Variants in DDHD1 observed in about 807,000 individuals in gnomAD.
DDHD1 encodes the protein DDHD domain containing 1, also known as phospholipase DDHD1.
Under a neutral mutation model 96.4 loss-of-function variants are expected in DDHD1, and 49 were observed. The ratio of observed to expected loss-of-function variants is 0.51; its 90% CI spans 0.40 to 0.64. The LOEUF (loss-of-function observed/expected upper bound fraction) is 0.64, where lower values mean the gene tolerates loss of function less well. Ranked by LOEUF, DDHD1 falls within the 30% of genes least tolerant of loss-of-function variation. DDHD1 has a pLI of 0.00. For synonymous variants in DDHD1, 442 were observed against 446.5 expected (o/e 0.99, Z 0.13); for missense variants, 1,106 against 1,161.2 (o/e 0.95, Z 0.69).
At chr14:53,094,345 CA>C (rs1181068717) in intron 2 of DDHD1, among the ~76,000 whole-genome samples, 1 of 151,992 alleles carries the variant, frequency 6.6e-6, no homozygotes, top group Non-Finnish European at 1.5e-5. Context: ...AGCAGAAATC[CA>C]AAATTGAAAG....
chr14:53,075,481 A>G (rs1446331038), intron 4 of DDHD1, among the ~76,000 whole-genome samples: 10 of 152,180 alleles, frequency 6.6e-5, no homozygotes, highest in Admixed American at 6.6e-4. Flanking sequence ...GCTACCGAAG[A>G]AAAGTTTGAA....
intron 1 of DDHD1, among the ~76,000 whole-genome samples, chr14:53,150,265 C>T (rs1430646084): frequency 6.6e-6 from 1 of 152,196 alleles, no homozygotes; most frequent in African/African-American, 2.4e-5. Context: ...TCCTGTAAGA[C>T]TCTGTCTTAA....
intron 1 of DDHD1, among the ~76,000 whole-genome samples, chr14:53,133,046 C>T (rs997858451): frequency 1.3e-5 from 2 of 152,212 alleles, no homozygotes; most frequent in African/African-American, 2.4e-5. Context: ...TTCATAACCT[C>T]GTCCATGAAG....
chr14:53,123,307 C>T (rs956896476), intron 1 of DDHD1, among the ~76,000 whole-genome samples: 12 of 151,730 alleles, frequency 7.9e-5, no homozygotes, highest in African/African-American at 2.4e-4. Context: ...GCAACAACAC[C>T]CAGCTAAGTT....
intron 9 of DDHD1, among the ~76,000 whole-genome samples, 177 bp downstream of exon 9, chr14:53,058,300 A>C (rs1028801184): frequency 2.6e-5 from 4 of 152,008 alleles, no homozygotes; most frequent in African/African-American, 9.7e-5. Context: ...TTTTTAGTAG[A>C]GATGAGGTTT....
intron 4 of DDHD1, among the ~76,000 whole-genome samples, chr14:53,080,557 ATATTT>A (rs1240021585): frequency 1.3e-5 from 2 of 151,780 alleles, no homozygotes; most frequent in African/African-American, 2.4e-5. Flanking sequence ...TCTTTGCCAT[ATATTT>A]TTTTTCCTAG....
chr14:53,058,809 C>T (rs1278318007), intron 8 of DDHD1, among the ~76,000 whole-genome samples, 183 bp from the exon 9 acceptor site: 3 of 152,160 alleles, frequency 2.0e-5, no homozygotes, highest in Admixed American at 6.5e-5. Context: ...TAATCTATTT[C>T]CATGAGATAC....
chr14:53,141,048 CAG>C (rs1890607543), intron 1 of DDHD1, among the ~76,000 whole-genome samples: 2 of 152,142 alleles, frequency 1.3e-5, no homozygotes, highest in Non-Finnish European at 2.9e-5. Flanking sequence ...CATCTAAAAA[CAG>C]AGCTTCAAAA....
intron 4 of DDHD1, among the ~76,000 whole-genome samples, chr14:53,076,698 C>G (rs996096602): frequency 2.0e-5 from 3 of 152,116 alleles, no homozygotes; most frequent in African/African-American, 7.2e-5. Flanking sequence ...TCACTGTTGT[C>G]TTATTTTAAG....
At chr14:53,148,107 C>T (rs1478854588) in intron 1 of DDHD1, among the ~76,000 whole-genome samples, 1 of 152,070 alleles carries the variant, frequency 6.6e-6, no homozygotes, top group East Asian at 1.9e-4. Flanking sequence ...TTTAAAATTA[C>T]AATAATGCAA....
At chr14:53,100,734 T>C (rs920767707) in intron 2 of DDHD1, among the ~76,000 whole-genome samples, 1 of 152,236 alleles carries the variant, frequency 6.6e-6, no homozygotes, top group Non-Finnish European at 1.5e-5. Flanking sequence ...TATTAGTTTC[T>C]TTGATATTCC....
chr14:53,139,696 C>CA (rs1890503055), intron 1 of DDHD1, among the ~76,000 whole-genome samples: 1 of 151,728 alleles, frequency 6.6e-6, no homozygotes, highest in Non-Finnish European at 1.5e-5. Flanking sequence ...AAAACAAAAA[C>CA]AAAAACAAAA....
At chr14:53,088,476 T>A (rs1886164211) in intron 4 of DDHD1, among the ~76,000 whole-genome samples, 1 of 151,982 alleles carries the variant, frequency 6.6e-6, no homozygotes, top group Admixed American at 6.5e-5. Context: ...TCCACCAAGA[T>A]CAAGTTGGCT....
chr14:53,048,681 T>C (rs1437440290), intron 12 of DDHD1: 1 of 152,194 alleles, frequency 6.6e-6, no homozygotes, highest in African/African-American at 2.4e-5. Flanking sequence ...AGCTAATCAA[T>C]AACAAGTCAG....
intron 6 of DDHD1, among the ~76,000 whole-genome samples, chr14:53,064,491 C>T (rs1883856163): frequency 6.6e-6 from 1 of 151,968 alleles, no homozygotes; most frequent in African/African-American, 2.4e-5. Context: ...ATTTCATATT[C>T]AAAAATTTTA....
At chr14:53,132,593 C>T (rs369454025) in intron 1 of DDHD1, among the ~76,000 whole-genome samples, 23 of 152,284 alleles carry the variant, frequency 1.5e-4, no homozygotes, top group African/African-American at 4.6e-4. Flanking sequence ...AAGAACTGTG[C>T]GTCAATATTT....
intron 4 of DDHD1, among the ~76,000 whole-genome samples, chr14:53,087,244 C>T (rs998922888): frequency 3.9e-5 from 6 of 152,160 alleles, no homozygotes; most frequent in South Asian, 2.1e-4. Flanking sequence ...CAATATTAGA[C>T]GGATCAACGA....
chr14:53,075,031 T>C (rs1402017646), intron 4 of DDHD1, among the ~76,000 whole-genome samples: 3 of 152,158 alleles, frequency 2.0e-5, no homozygotes, highest in Admixed American at 6.6e-5. Flanking sequence ...TCCCCAACCT[T>C]TCTCCTGCTC....
At chr14:53,128,595 T>C (rs1302833473) in intron 1 of DDHD1, among the ~76,000 whole-genome samples, 4 of 152,186 alleles carry the variant, frequency 2.6e-5, no homozygotes. Context: ...GGGGAGATAT[T>C]AACCTTCAGT....
Sources: allele counts gnomAD v4.1 joint callset (sites outside exome capture counted in the v4.1 genomes callset), GRCh38; gene constraint gnomAD v4.1.1; transcripts MANE v1.5; gene names NCBI Gene and HGNC (gene_info 2026-07-23, HGNC 2026-07-21).